PRDM10: variants seen among roughly 807,000 people sequenced by gnomAD.
PRDM10 encodes PR/SET domain 10, also known as PR domain zinc finger protein 10.
In PRDM10, 65 loss-of-function variants were observed where a neutral mutation model predicts 133.1. The observed-to-expected ratio is 0.49, with a 90% CI of 0.40 to 0.60. The LOEUF is 0.60. Among genes scored for constraint, PRDM10 ranks in the 20% least tolerant of loss-of-function variants. PRDM10 has a pLI of 0.00. For synonymous variants in PRDM10, 582 were observed against 580.4 expected (o/e 1.00, Z -0.04); for missense variants, 1,137 against 1,507.1 (o/e 0.75, Z 4.07).
Position 129,902,347 on chromosome 11 carries a change from T to C in PRDM10, c.3437A>G (p.Asn1146Ser). The change falls in exon 21 of 21, where the codon AAC (asparagine) becomes AGC (serine). Residue 1146 changes from asparagine to serine, a missense_variant. Coordinates refer to ENST00000360871, the MANE Select transcript of PRDM10 (RefSeq NM_199437.2). ...GGTGATATGCACTTCGCTGCTTCCG[T>C]TCCCGTTGGTGGTGGTGGTGATGAT... ...QYIITTTTNG[N>S]GSSEVHITKP 1 of 1,614,138 alleles carries C rather than the reference T, an allele frequency of 6.2e-7. No individual in the cohort carries two copies. The highest frequency in any genetic ancestry group is 8.5e-7 in the Non-Finnish European group (1 of 1,180,002).
chr11:129,994,818 A>AT (rs1265380011), intron 1 of PRDM10, among the ~76,000 whole-genome samples: 8 of 151,148 alleles, frequency 5.3e-5, no homozygotes, highest in African/African-American at 1.2e-4. Flanking sequence ...TGCCCGGCTA[A>AT]TTTTTTTTGT....
At chr11:129,976,368 G>A (rs946101905) in intron 1 of PRDM10, among the ~76,000 whole-genome samples, 5 of 152,288 alleles carry the variant, frequency 3.3e-5, no homozygotes, top group African/African-American at 1.2e-4. Flanking sequence ...AAGGGGAAGA[G>A]AGTAGGTACA....
chr11:129,977,171 C>T (rs1361696908), intron 1 of PRDM10, among the ~76,000 whole-genome samples: 1 of 151,892 alleles, frequency 6.6e-6, no homozygotes, highest in East Asian at 1.9e-4. Flanking sequence ...AGACAGAGCA[C>T]AGTGCCCCTC....
rs1280506705 is a variant in PRDM10 at position 129,923,730 on chromosome 11, C to T, written c.1879-327G>A. On this transcript the variant is annotated intron_variant, in intron 12 of 20. Coordinates refer to ENST00000360871, the MANE Select transcript of PRDM10 (RefSeq NM_199437.2). The surrounding 1 kb of genome is among the most constrained non-coding windows in gnomAD (Gnocchi z 4.4). ...GTCAAAGCCCTGATCACTTGAAGCC[C>T]ATTTTTTAAAGATAAAAAGCAAAAG... 1.4e-5 allele frequency among the ~76,000 whole-genome samples: 2 copies of T among 144,400 alleles called. No homozygotes were observed. Among genetic ancestry groups the T allele is most frequent in the African/African-American group, 2.6e-5 (1 of 38,152 alleles). The allele number at this position is 144,400 out of a possible 152,430, so 94.7% of individuals were successfully genotyped here.
At chr11:129,980,171 C>A (rs556002695) in intron 1 of PRDM10, among the ~76,000 whole-genome samples, 3 of 152,156 alleles carry the variant, frequency 2.0e-5, no homozygotes, top group Non-Finnish European at 2.9e-5. Context: ...AGTTACCGTA[C>A]GACCAAGCAA....
At chr11:129,911,593 T>C (rs1950188149) in intron 18 of PRDM10, among the ~76,000 whole-genome samples, 2 of 152,198 alleles carry the variant, frequency 1.3e-5, no homozygotes, top group African/African-American at 4.8e-5. Flanking sequence ...TCAGACTGCC[T>C]TCCCCAACGA....
chr11:129,926,355 C>T (rs1950678139), intron 11 of PRDM10, among the ~76,000 whole-genome samples: 1 of 152,120 alleles, frequency 6.6e-6, no homozygotes, highest in Non-Finnish European at 1.5e-5. Flanking sequence ...CTCATTCATC[C>T]GTTCCTCAGA....
chr11:129,942,916 T>C (rs912541893), intron 6 of PRDM10, among the ~76,000 whole-genome samples: 1 of 152,234 alleles, frequency 6.6e-6, no homozygotes, highest in Non-Finnish European at 1.5e-5. Context: ...GCTATAAATA[T>C]GCCAGAAAAT....
chr11:129,983,972 A>G (rs1011414811), intron 1 of PRDM10, among the ~76,000 whole-genome samples: 3 of 152,136 alleles, frequency 2.0e-5, no homozygotes, highest in Non-Finnish European at 2.9e-5. Context: ...ATTCAGGACC[A>G]CTGATCTCAA....
chr11:129,993,709 C>T (rs1938883154), intron 1 of PRDM10, among the ~76,000 whole-genome samples: 1 of 152,178 alleles, frequency 6.6e-6, no homozygotes, highest in African/African-American at 2.4e-5. Flanking sequence ...TGGTCTTGAT[C>T]TCCTGACCTC....
At position 129,931,034 on chromosome 11, in the gene PRDM10, G is replaced by A; in HGVS notation, c.1512C>T (p.Arg504=). 1.2e-6 allele frequency: 2 copies of A among 1,613,222 alleles called. No homozygotes were observed. The highest frequency in any genetic ancestry group is 1.7e-6 in the Non-Finnish European group (2 of 1,179,588). Residue 504 remains arginine, a synonymous_variant, in exon 11 of 21, where the codon CGC becomes CGT. Transcript: ENST00000360871. Reference sequence around the variant, plus strand: ...CACTTACTCGGATGCGCTTGGCTCTGCGCATGTCGTCGGCTGTCAGCGTGC... The same window carrying A: ...CACTTACTCGGATGCGCTTGGCTCTACGCATGTCGTCGGCTGTCAGCGTGC... ...TQSTLTADDM[R]RAKRIRNAAL...
At chr11:129,948,634 G>T (rs987040840) in intron 4 of PRDM10, among the ~76,000 whole-genome samples, 4 of 152,178 alleles carry the variant, frequency 2.6e-5, no homozygotes, top group Non-Finnish European at 5.9e-5. Context: ...GCTTTGGTTA[G>T]GGCCCAGGAC....
intron 1 of PRDM10, among the ~76,000 whole-genome samples, chr11:129,987,719 C>T (rs184103563): frequency 2.6e-5 from 4 of 152,058 alleles, no homozygotes; most frequent in South Asian, 2.1e-4. Flanking sequence ...GGAATGAAGA[C>T]GCCGGGTGTG....
chr11:129,966,565 G>A (rs550930993), intron 1 of PRDM10, among the ~76,000 whole-genome samples: 94 of 152,256 alleles, frequency 6.2e-4, no homozygotes, highest in Non-Finnish European at 1.0e-3. Context: ...TATTAAAACC[G>A]AAAGACATGG....
intron 10 of PRDM10, among the ~76,000 whole-genome samples, chr11:129,931,691 C>T (rs1018886984): frequency 1.3e-5 from 2 of 151,738 alleles, no homozygotes; most frequent in Admixed American, 6.6e-5. Flanking sequence ...CTCCGCCTCC[C>T]GAGTAGCTGG....
At chr11:129,921,479 G>A (rs1950521163) in intron 13 of PRDM10, among the ~76,000 whole-genome samples, 1 of 152,210 alleles carries the variant, frequency 6.6e-6, no homozygotes, top group Admixed American at 6.5e-5. Flanking sequence ...AGGCTGGCAG[G>A]AGCCAGATCC....
In PRDM10 at chr11:129,971,299, T is replaced by C. The variant is rs551332352; in HGVS notation, c.-118-10217A>G. 3.9e-5 allele frequency among the ~76,000 whole-genome samples: 6 copies of C among 152,330 alleles called. No homozygotes were observed. In the East Asian group the frequency reaches 7.7e-4, roughly 20 times the overall value. On this transcript the variant is annotated intron_variant, in intron 1 of 20. Coordinates refer to ENST00000360871, the MANE Select transcript of PRDM10 (RefSeq NM_199437.2). The stretch of plus-strand genomic sequence containing the variant: ...CGGGCAGCCTGCTTTTATTCTCTTA[T>C]CTGGCCCCACACGCATCCTGCTGAT...
At chr11:129,980,956 C>G (rs1938077108) in intron 1 of PRDM10, among the ~76,000 whole-genome samples, 1 of 149,330 alleles carries the variant, frequency 6.7e-6, no homozygotes, top group Non-Finnish European at 1.5e-5. Context: ...ACTGCAACCT[C>G]CTCCTCCCAG....
chr11:129,994,146 C>G (rs1938906983), intron 1 of PRDM10, among the ~76,000 whole-genome samples: 1 of 151,852 alleles, frequency 6.6e-6, no homozygotes, highest in African/African-American at 2.4e-5. Context: ...GGTGAGATAC[C>G]TAGAGCTTGG....
Sources: gnomAD v4.1 joint callset for allele counts (sites outside exome capture counted in the v4.1 genomes callset) on GRCh38, gnomAD v4.1.1 for gene constraint, Gnocchi (gnomAD v3.1) non-coding constraint, MANE v1.5 for transcripts, NCBI Gene and HGNC (gene_info 2026-07-23, HGNC 2026-07-21) for gene names.